Variants in ANK3 observed in about 807,000 individuals in gnomAD.
ANK3 encodes ankyrin 3, also known as ankyrin-3.
A neutral mutation model predicts 370.9 loss-of-function variants in ANK3; 57 were observed. The observed-to-expected ratio is 0.15, with a 90% CI of 0.12 to 0.19. The LOEUF is 0.19. ANK3 is among the 10% of genes least tolerant of loss of function. The probability of loss-of-function intolerance (pLI) is 1.00; values close to 1 mark genes in which losing one functional copy is unlikely to be tolerated. For missense variants in ANK3, 4,439 were observed against 5,302.1 expected (o/e 0.84, Z 5.06); for synonymous variants, 1,929 against 1,946.3 (o/e 0.99, Z 0.23).
At chr10:60,055,329 A>G (rs2078952676) in intron 42 of ANK3, among the ~76,000 whole-genome samples, 1 of 152,194 alleles carries the variant, frequency 6.6e-6, no homozygotes, top group Non-Finnish European at 1.5e-5. Flanking sequence ...CCTAAATCCC[A>G]GATAAAATAC....
chr10:60,406,071 T>G (rs1296265553), intron 2 of ANK3, among the ~76,000 whole-genome samples: 1 of 152,192 alleles, frequency 6.6e-6, no homozygotes, highest in African/African-American at 2.4e-5. Context: ...AAAGAGGACC[T>G]TGCTCAAAGT....
intron 5 of ANK3, among the ~76,000 whole-genome samples, chr10:60,268,567 TATTA>T (rs1037354477): frequency 2.0e-5 from 3 of 152,102 alleles, no homozygotes; most frequent in African/African-American, 4.8e-5. Flanking sequence ...AAATTGCTAT[TATTA>T]ATTGTGTTGA....
chr10:60,122,479 G>T (rs536107625), intron 25 of ANK3, among the ~76,000 whole-genome samples: 1 of 152,224 alleles, frequency 6.6e-6, no homozygotes, highest in East Asian at 1.9e-4. Context: ...CAGGAATAAA[G>T]GAGATATTTT....
chr10:60,269,412 G>A (rs1227052644), intron 5 of ANK3, among the ~76,000 whole-genome samples: 3 of 152,064 alleles, frequency 2.0e-5, no homozygotes, highest in African/African-American at 4.8e-5. Flanking sequence ...TTGAGAGGCC[G>A]AGGCGGGTGG....
chr10:60,611,999 T>C (rs746070939), intron 2 of ANK3, among the ~76,000 whole-genome samples: 1 of 152,160 alleles, frequency 6.6e-6, no homozygotes, highest in Non-Finnish European at 1.5e-5. Flanking sequence ...TCATCCAAAC[T>C]ACCTCTTCAA....
intron 2 of ANK3, among the ~76,000 whole-genome samples, chr10:60,496,627 C>A (rs1437917351): frequency 6.7e-6 from 1 of 149,472 alleles, no homozygotes; most frequent in Non-Finnish European, 1.5e-5. Context: ...ATTATTATGG[C>A]TCAATTTATC....
rs376463806 is a variant in ANK3, at chr10:60,069,509, T to C, written c.11372A>G (p.Asn3791Ser). 3.1e-6 allele frequency: 5 copies of C among 1,613,518 alleles called. No individual in the cohort carries two copies. The highest frequency in any genetic ancestry group is 1.7e-5 in the Admixed American group (1 of 59,916). The change falls in exon 37 of 44, where the codon AAT becomes AGT. Residue 3791 changes from asparagine to serine, a missense_variant. By Grantham distance (46) the Asn-to-Ser change is conservative (BLOSUM62 1). Transcript: ENST00000280772. ...FQKDNFNNNN[N>S]LDSSTIQTDN... The stretch of plus-strand genomic sequence containing the variant: ...TGTCTGTATAGTGGAAGAATCCAAA[T>C]TGTTGTTGTTATTAAAGTTATCTTT...
chr10:60,360,030 T>G (rs117687264), intron 1 of ANK3, among the ~76,000 whole-genome samples: 1 of 152,318 alleles, frequency 6.6e-6, no homozygotes, highest in African/African-American at 2.4e-5. Flanking sequence ...AAATAGTACA[T>G]TAACTGATTC....
rs950661493 is a variant in ANK3, at chr10:60,389,861, C to T, written c.-323G>A. ...TTATGGCTGTATCCCCTGCCACCAGCTGGAAGTGTCTAAGTGATTCCTCGG... is the reference window on the plus strand; with the variant it reads ...TTATGGCTGTATCCCCTGCCACCAGTTGGAAGTGTCTAAGTGATTCCTCGG... On this transcript the variant is annotated 5_prime_UTR_variant, in exon 1 of 44. Transcript: ENST00000280772. 4 of 1,067,784 alleles carry T rather than the reference C, an allele frequency of 3.7e-6. No individual in the cohort carries two copies. Among genetic ancestry groups the T allele is most frequent in the Non-Finnish European group, 4.5e-6 (4 of 883,654 alleles). 66.1% of individuals were successfully genotyped at this position (1,067,784 alleles called of 1,614,324 possible). A position where few individuals can be genotyped will look rare whatever the true frequency, so the allele number is the denominator to read the frequency against.
intron 1 of ANK3, among the ~76,000 whole-genome samples, chr10:60,697,723 C>G (rs1160524381): frequency 2.0e-5 from 3 of 151,992 alleles, no homozygotes; most frequent in Admixed American, 1.3e-4. Context: ...GAAACTGGAT[C>G]CCTTCCTTAC....
At chr10:60,733,069 G>A (rs1468940215) in intron 1 of ANK3, among the ~76,000 whole-genome samples, 1 of 151,872 alleles carries the variant, frequency 6.6e-6, no homozygotes, top group Non-Finnish European at 1.5e-5. Flanking sequence ...GCAACTTCCA[G>A]GCGCAACTGG....
At chr10:60,694,781 C>T (rs1005157024) in intron 1 of ANK3, among the ~76,000 whole-genome samples, 6 of 151,658 alleles carry the variant, frequency 4.0e-5, no homozygotes, top group African/African-American at 1.5e-4. Context: ...CAGTACCAGC[C>T]ACTGCAAAAT....
At position 60,546,161 on chromosome 10, in the gene ANK3, G is replaced by A. The variant is rs1033296356; in HGVS notation, c.96+69025C>T. ...AGCAATCCTCCCACTTCAGCCTCCT[G>A]AGTAGTTGGGACTACAGGCATGCAC... On this transcript the variant is annotated intron_variant, in intron 2 of 43. Transcript: ENST00000373827. 7.2e-5 allele frequency among the ~76,000 whole-genome samples: 11 copies of A among 152,218 alleles called. No individual in the cohort carries two copies. The South Asian group carries it at 8.3e-4, about 12-fold the overall frequency.
intron 2 of ANK3, among the ~76,000 whole-genome samples, chr10:60,442,137 C>T (rs2064315584): frequency 6.7e-6 from 1 of 148,808 alleles, no homozygotes; most frequent in Non-Finnish European, 1.5e-5. Context: ...GCTCTGTTGC[C>T]CAGGCTGGAG....
intron 16 of ANK3, among the ~76,000 whole-genome samples, chr10:60,190,923 A>G (rs1436236480): frequency 6.6e-6 from 1 of 152,162 alleles, no homozygotes; most frequent in African/African-American, 2.4e-5. Context: ...AACTCACAAG[A>G]AAAGCCACAT....
intron 9 of ANK3, among the ~76,000 whole-genome samples, chr10:60,209,458 C>T (rs1308048797): frequency 6.6e-6 from 1 of 152,122 alleles, no homozygotes; most frequent in Non-Finnish European, 1.5e-5. Flanking sequence ...ACATATATTT[C>T]AACTATTTGT....
chr10:60,655,807 G>A (rs906026416), intron 1 of ANK3, among the ~76,000 whole-genome samples: 3 of 152,090 alleles, frequency 2.0e-5, no homozygotes, highest in African/African-American at 7.2e-5. Flanking sequence ...CATGGGAAGT[G>A]CCCTACACAG....
At position 60,055,967 on chromosome 10, in the gene ANK3, T is replaced by A. The variant is rs1217462595; in HGVS notation, c.12756A>T (p.Gly4252=). Reference sequence around the variant, plus strand: ...CTTCTGGAGTGATTTCTGTATGGCTTCCATTTGCTTCAAATTTGCCAGCTT... The same window carrying A: ...CTTCTGGAGTGATTTCTGTATGGCTACCATTTGCTTCAAATTTGCCAGCTT... ...KGEAGKFEAN[G]SHTEITPEAK... is the part of the protein sequence containing the mutation. The change falls in exon 42 of 44, where the codon GGA becomes GGT. Residue 4252 remains glycine, a synonymous_variant. Transcript: ENST00000280772. 1.9e-6 allele frequency: 3 copies of A among 1,614,022 alleles called. No individual in the cohort carries two copies. The highest frequency in any genetic ancestry group is 1.7e-5 in the Admixed American group (1 of 60,018).
rs888406217 is a variant in ANK3, at chr10:60,057,559, T to A, written c.12687-1523A>T. Among the ~76,000 whole-genome samples the A allele has an allele frequency of 1.3e-5, 2 of 152,202 alleles. 1 individual carries two copies. Among genetic ancestry groups the A allele is most frequent in the Non-Finnish European group, 2.9e-5 (2 of 68,030 alleles). On this transcript the variant is annotated intron_variant, in intron 41 of 43. Coordinates refer to ENST00000280772, the MANE Select transcript of ANK3 (RefSeq NM_020987.5). ...CATACTGTGAAGATCCTGTAACATA[T>A]AGCTTTATGACTTTGGTTTAATTTT...
Sources: allele counts gnomAD v4.1 joint callset (sites outside exome capture counted in the v4.1 genomes callset), GRCh38; gene constraint gnomAD v4.1.1; transcripts MANE v1.5; gene names NCBI Gene and HGNC (gene_info 2026-07-23, HGNC 2026-07-21).